The following TLE1 variants were observed in gnomAD, a reference collection of about 807,000 sequenced individuals.
The protein encoded by TLE1 is TLE family member 1, transcriptional corepressor.
A neutral mutation model predicts 89.8 loss-of-function variants in TLE1; 21 were observed. That is an observed-to-expected ratio of 0.23 (90% confidence interval 0.17 to 0.34). The LOEUF is 0.34. Ranked by LOEUF, TLE1 falls within the 10% of genes least tolerant of loss-of-function variation. The probability of loss-of-function intolerance (pLI) is 1.00; values close to 1 mark genes in which losing one functional copy is unlikely to be tolerated. For missense variants in TLE1, 795 were observed against 1,031.2 expected, an observed-to-expected ratio of 0.77 and a Z score of 3.14; for synonymous variants, 447 against 407.6, an observed-to-expected ratio of 1.10 and a Z score of -1.16.
At chr9:81,665,026 T>C (rs887429094) in intron 4 of TLE1, among the ~76,000 whole-genome samples, 4 of 152,096 alleles carry the variant, frequency 2.6e-5, no homozygotes, top group African/African-American at 9.7e-5. Flanking sequence ...GGACACCAGG[T>C]CCCCTGGGAG....
chr9:81,665,295 CAA>C (rs931748778), intron 4 of TLE1, among the ~76,000 whole-genome samples: 3 of 152,162 alleles, frequency 2.0e-5, no homozygotes, highest in Non-Finnish European at 4.4e-5. Flanking sequence ...TAAAACAAAA[CAA>C]AGAGTACCAG....
At chr9:81,591,286 A>G (rs1829454032) in intron 15 of TLE1, among the ~76,000 whole-genome samples, 1 of 152,214 alleles carries the variant, frequency 6.6e-6, no homozygotes, top group Non-Finnish European at 1.5e-5. Flanking sequence ...TGCATCACAG[A>G]GCTGAAACTA....
intron 1 of TLE1, among the ~76,000 whole-genome samples, chr9:81,687,779 A>AC (rs976239506): frequency 6.6e-6 from 1 of 150,768 alleles, no homozygotes; most frequent in Non-Finnish European, 1.5e-5. Context: ...GGCGATAATG[A>AC]CCCCGGGGAC....
At chr9:81,604,524 T>G (rs1039770908) in intron 14 of TLE1, among the ~76,000 whole-genome samples, 8 of 152,264 alleles carry the variant, frequency 5.3e-5, no homozygotes, top group Non-Finnish European at 8.8e-5. Flanking sequence ...TGAGTCAAAG[T>G]TCCAGGGAGA....
intron 4 of TLE1, among the ~76,000 whole-genome samples, chr9:81,684,148 TA>T (rs202210085): frequency 0.072 from 10,017 of 138,262 alleles, 368 homozygotes; most frequent in Non-Finnish European, 0.098. Context: ...CAGAGTAAAT[TA>T]AAAAAAAAAA....
At chr9:81,659,146 G>T (rs1488735436) in intron 4 of TLE1, among the ~76,000 whole-genome samples, 1 of 152,016 alleles carries the variant, frequency 6.6e-6, no homozygotes, top group African/African-American at 2.4e-5. Context: ...TGATCCTCGT[G>T]ATCCGCCCAC....
At chr9:81,682,360 C>T (rs796188532) in intron 4 of TLE1, among the ~76,000 whole-genome samples, 7 of 152,112 alleles carry the variant, frequency 4.6e-5, no homozygotes, top group African/African-American at 1.4e-4. Flanking sequence ...ACTCTGAACA[C>T]GTGCACACAG....
intron 4 of TLE1, among the ~76,000 whole-genome samples, chr9:81,666,969 A>G (rs1293124671): frequency 6.6e-6 from 1 of 151,850 alleles, no homozygotes; most frequent in Non-Finnish European, 1.5e-5. Flanking sequence ...AAAATTTAAA[A>G]ATTAGCCGGG....
chr9:81,670,432 T>G (rs2132931800), intron 4 of TLE1, among the ~76,000 whole-genome samples: 1 of 152,232 alleles, frequency 6.6e-6, no homozygotes, highest in South Asian at 2.1e-4. Context: ...CTCAAGTGAT[T>G]CTTCTGCCTC....
At chr9:81,637,193 A>T (rs1827490573) in intron 6 of TLE1, among the ~76,000 whole-genome samples, 1 of 152,034 alleles carries the variant, frequency 6.6e-6, no homozygotes, top group Non-Finnish European at 1.5e-5. Context: ...CCCTGTCTCT[A>T]CTAAAAATAT....
chr9:81,638,512 C>A (rs2378591), intron 6 of TLE1, among the ~76,000 whole-genome samples: 50,448 of 152,066 alleles, frequency 0.33, 8,763 homozygotes, highest in Non-Finnish European at 0.39. Flanking sequence ...TTGTACTTAT[C>A]ACCTTCAACA....
chr9:81,667,815 AT>A (rs1235447163), intron 4 of TLE1, among the ~76,000 whole-genome samples: 4 of 152,106 alleles, frequency 2.6e-5, no homozygotes, highest in African/African-American at 9.7e-5. Context: ...TTTTTAATCA[AT>A]ATCACATGCC....
rs1829854319 is a variant in TLE1, at chr9:81,653,916, A to G, written c.297+58T>C. On this transcript the variant is annotated intron_variant, in intron 5 of 19. Transcript: ENST00000376499. ...TAAAATTAACATCTTAAAACTAGCT[A>G]ATTTGCAAACAGAGAAGCAACATAA... 3 of 1,502,618 alleles carry G rather than the reference A, an allele frequency of 2.0e-6. No individual in the cohort carries two copies. In the Admixed American group the frequency reaches 5.0e-5, roughly 25 times the overall value. 93.1% of individuals were successfully genotyped at this position (1,502,618 alleles called of 1,614,324 possible).
At chr9:81,635,369 A>T (rs956968287) in intron 6 of TLE1, among the ~76,000 whole-genome samples, 2 of 152,142 alleles carry the variant, frequency 1.3e-5, no homozygotes, top group Non-Finnish European at 2.9e-5. Flanking sequence ...TGCCTTTTCC[A>T]TGACTGCACT....
chr9:81,587,997 G>A (rs545871837), intron 16 of TLE1, among the ~76,000 whole-genome samples, 169 bp from the exon 17 acceptor site: 2 of 149,242 alleles, frequency 1.3e-5, no homozygotes, highest in East Asian at 3.9e-4. Context: ...TTCCCCTGAG[G>A]AGGAGGGGAA....
At position 81,611,829 on chromosome 9, in the gene TLE1, C is replaced by T. The variant is rs372238712; in HGVS notation, c.1194G>A (p.Ser398=). The T allele has an allele frequency of 1.8e-3, 2,738 of 1,560,000 alleles. 57 individuals are homozygous for T. The South Asian group carries it at 0.031, about 17-fold the overall frequency. The stretch of plus-strand genomic sequence containing the variant: ...CGGCGGCTGCGGCGCTCATCTGGGG[C>T]GACATGTTGTGTAAACTGGCGTAGG... ...GAAYASLHNM[S]PQMSAAAAAA... The change falls in exon 13 of 20, where the codon TCG becomes TCA. Residue 398 remains serine (S), a synonymous_variant. Transcript: ENST00000376499.
chr9:81,644,624 C>T (rs1008677121), intron 6 of TLE1, among the ~76,000 whole-genome samples: 2 of 151,994 alleles, frequency 1.3e-5, no homozygotes, highest in Admixed American at 1.3e-4. Context: ...CAAAAATGTT[C>T]TAGAAAAATT....
At chr9:81,670,220 A>G (rs1832039378) in intron 4 of TLE1, among the ~76,000 whole-genome samples, 2 of 152,228 alleles carry the variant, frequency 1.3e-5, no homozygotes, top group South Asian at 2.1e-4. Context: ...TTACAGCCAT[A>G]TTAACCAGTA....
chr9:81,631,804 A>G (rs946044562), intron 8 of TLE1, among the ~76,000 whole-genome samples: 4 of 152,268 alleles, frequency 2.6e-5, no homozygotes. Context: ...CTGAACAGAC[A>G]TAAAAGATGA....
Sources: gnomAD v4.1 joint callset for allele counts (sites outside exome capture counted in the v4.1 genomes callset) on GRCh38, gnomAD v4.1.1 for gene constraint, MANE v1.5 for transcripts, NCBI Gene and HGNC (gene_info 2026-07-23, HGNC 2026-07-21) for gene names.